PCDHGC5: variants seen among roughly 807,000 people sequenced by gnomAD.
PCDHGC5 encodes protocadherin gamma-C5.
A neutral mutation model predicts 59.0 loss-of-function variants in PCDHGC5; 25 were observed. The observed-to-expected ratio is 0.42, with a 90% CI of 0.31 to 0.59. The LOEUF (loss-of-function observed/expected upper bound fraction) is 0.59. Among genes scored for constraint, PCDHGC5 ranks in the 20% least tolerant of loss-of-function variants. The probability of loss-of-function intolerance (pLI) is 0.13; values close to 1 mark genes in which losing one functional copy is unlikely to be tolerated. For missense variants in PCDHGC5, 1,067 were observed against 1,206.4 expected, an observed-to-expected ratio of 0.88 and a Z score of 1.71; for synonymous variants, 434 against 505.5, an observed-to-expected ratio of 0.86 and a Z score of 1.90.
chr5:141,501,508 C>A (rs1378333182), intron 2 of PCDHGC5, among the ~76,000 whole-genome samples: 1 of 151,960 alleles, frequency 6.6e-6, no homozygotes, highest in Non-Finnish European at 1.5e-5. Flanking sequence ...GGCTCCAAGG[C>A]CTCCAAGCTG....
In PCDHGC5 at chr5:141,491,276, A is replaced by G; in HGVS notation, c.2036A>G (p.Asp679Gly). The G allele has an allele frequency of 6.2e-7, 1 of 1,614,104 alleles. No individual in the cohort carries two copies. Residue 679 changes from aspartate to glycine, a missense_variant, in exon 1 of 4, where the codon GAC (aspartate) becomes GGC (glycine). Coordinates refer to ENST00000252087, the MANE Select transcript of PCDHGC5 (RefSeq NM_018929.3). The surrounding 1 kb of genome is among the most constrained non-coding windows in gnomAD (Gnocchi z 6.9). ...EDPEEMPKSS[D>G]FLIHPPERSD... ...CCTGAGGAAATGCCCAAATCCAGTG[A>G]CTTCCTCATACACCCTCCTGAGCGT...
Position 141,504,710 on chromosome 5 carries a change from G to A in PCDHGC5, c.2520-683G>A, listed in dbSNP as rs528205869. The stretch of plus-strand genomic sequence containing the variant: ...AGGAGGGGCAGGTTCTTCTATGGCC[G>A]TGGATTTTACTCTGAGGGCTTAGGA... On this transcript the variant is annotated intron_variant, in intron 2 of 3. Transcript: ENST00000252087. Among the ~76,000 whole-genome samples the A allele has an allele frequency of 1.4e-4, 21 of 151,968 alleles. No homozygotes were observed. The East Asian group carries it at 3.7e-3, about 27-fold the overall frequency.
Position 141,495,011 on chromosome 5 carries a change from G to A in PCDHGC5, c.2519+146G>A, listed in dbSNP as rs2099758277. On this transcript the variant is annotated intron_variant, in intron 2 of 3. Coordinates refer to ENST00000252087, the MANE Select transcript of PCDHGC5 (RefSeq NM_018929.3). ...CCAGGGAGGTCTTGGTGTGCGGGGG[G>A]CTGGCACACAGACCCCGGAAGGAAG... is the stretch of plus-strand genomic sequence containing the variant. 4.6e-6 allele frequency: 7 copies of A among 1,512,044 alleles called. No individual in the cohort carries two copies. In the East Asian group the frequency reaches 1.5e-4, roughly 32 times the overall value. 93.7% of individuals were successfully genotyped at this position (1,512,044 alleles called of 1,614,324 possible).
rs768079276 is a variant in PCDHGC5, at chr5:141,490,997, G to A, written c.1757G>A (p.Gly586Asp). The change falls in exon 1 of 4, where the codon GGC becomes GAC. Residue 586 changes from glycine (G) to aspartate (D), a missense_variant. Gly to Asp is a moderately conservative substitution (Grantham distance 94). Transcript: ENST00000252087. The surrounding 1 kb of genome is among the most constrained non-coding windows in gnomAD (Gnocchi z 5.4). ...CGTCTCCCTCGCTCTGCTCCTCCTG[G>A]CTCCTTGGTCACCAAGGTGACAGCC... ...PQRLPRSAPPGSLVTKVTAVD... is the reference protein window; with the variant it reads ...PQRLPRSAPPDSLVTKVTAVD... 1.2e-6 allele frequency: 2 copies of A among 1,614,032 alleles called. No individual in the cohort carries two copies. Among genetic ancestry groups the A allele is most frequent in the Admixed American group, 1.7e-5 (1 of 60,030 alleles).
Position 141,501,330 on chromosome 5 carries a change from CA to C in PCDHGC5, c.2520-4062del, listed in dbSNP as rs1562200936. 1.8e-3 allele frequency among the ~76,000 whole-genome samples: 266 copies of C among 151,500 alleles called. 1 individual carries two copies. Among genetic ancestry groups the C allele is most frequent in the African/African-American group, 5.1e-3 (210 of 41,250 alleles). On this transcript the variant is annotated intron_variant, in intron 2 of 3. Transcript: ENST00000252087. ...ACACACACACACACACACACACACACACACCCCAAACTCAATAGGGCAAGAA... is the reference window on the plus strand; with the variant it reads ...ACACACACACACACACACACACACACCACCCCAAACTCAATAGGGCAAGAA...
At chr5:141,498,419 G>A (rs78940285) in intron 2 of PCDHGC5, among the ~76,000 whole-genome samples, 4,023 of 152,260 alleles carry the variant, frequency 0.026, 75 homozygotes, top group Non-Finnish European at 0.043. Flanking sequence ...TGCTGGCACT[G>A]GAGTGAGGGG....
In PCDHGC5 at chr5:141,491,958, A is replaced by C; in HGVS notation, c.2460+258A>C. The C allele has an allele frequency of 2.0e-6, 2 of 999,758 alleles. No homozygotes were observed. Among genetic ancestry groups the C allele is most frequent in the Non-Finnish European group, 2.8e-6 (2 of 718,534 alleles). The allele number at this position is 999,758 out of a possible 1,614,324, so 61.9% of individuals were successfully genotyped here. The stretch of plus-strand genomic sequence containing the variant: ...ACCGACCCCCACCCCTACACTCAAA[A>C]AAGGCCGGGGCCTCCTTCGAGCTTC... On this transcript the variant is annotated intron_variant, in intron 1 of 3. Coordinates refer to ENST00000252087, the MANE Select transcript of PCDHGC5 (RefSeq NM_018929.3). The surrounding 1 kb of genome is among the most constrained non-coding windows in gnomAD (Gnocchi z 6.9).
At chr5:141,497,664 C>T (rs779506763) in intron 2 of PCDHGC5, among the ~76,000 whole-genome samples, 14 of 151,904 alleles carry the variant, frequency 9.2e-5, no homozygotes, top group Non-Finnish European at 1.8e-4. Context: ...CTCAGCCTCC[C>T]GAGTAGCTGG....
In PCDHGC5 at chr5:141,492,000, A is replaced by G; in HGVS notation, c.2460+300A>G. On this transcript the variant is annotated intron_variant, in intron 1 of 3. Transcript: ENST00000252087. The surrounding 1 kb of genome is among the most constrained non-coding windows in gnomAD (Gnocchi z 6.9). Reference sequence around the variant, plus strand: ...TCGAGCTTCCGGTGAATTTCGGGCGATTTCCGCGGGTGTCGGGGGTCCCGG... The same window carrying G: ...TCGAGCTTCCGGTGAATTTCGGGCGGTTTCCGCGGGTGTCGGGGGTCCCGG... 1 of 659,856 alleles carries G rather than the reference A, an allele frequency of 1.5e-6. No homozygotes were observed. The highest frequency in any genetic ancestry group is 3.1e-5 in the South Asian group (1 of 32,438). 40.9% of individuals were successfully genotyped at this position (659,856 alleles called of 1,614,324 possible).
At position 141,491,084 on chromosome 5, in the gene PCDHGC5, C is replaced by T; in HGVS notation, c.1844C>T (p.Ala615Val). Residue 615 changes from alanine to valine, a missense_variant, in exon 1 of 4, where the codon GCC becomes GTC. Transcript: ENST00000252087. This position sits in a 1 kb window ranked among gnomAD's most constrained non-coding sequence, Gnocchi z 6.9. ...LSYSLLPQSTAPGLFLVSTHT... is the reference protein window; with the variant it reads ...LSYSLLPQSTVPGLFLVSTHT... ...TACTCACTGTTGCCACAGTCCACAGCCCCAGGACTGTTCCTCGTGTCTACA... is the reference window on the plus strand; with the variant it reads ...TACTCACTGTTGCCACAGTCCACAGTCCCAGGACTGTTCCTCGTGTCTACA... The T allele has an allele frequency of 6.2e-7, 1 of 1,614,106 alleles. No homozygotes were observed. The highest frequency in any genetic ancestry group is 1.1e-5 in the South Asian group (1 of 91,082).
chr5:141,489,211 A>G lies in PCDHGC5; in HGVS notation c.-30A>G, dbSNP rs1206929838. On this transcript the variant is annotated 5_prime_UTR_variant, in exon 1 of 4. Coordinates refer to ENST00000252087, the MANE Select transcript of PCDHGC5 (RefSeq NM_018929.3). This position sits in a 1 kb window ranked among gnomAD's most constrained non-coding sequence, Gnocchi z 4.5. The stretch of plus-strand genomic sequence containing the variant: ...CTACCTTGGAGACAGGACAGCACAG[A>G]CTTACTCTCCACAAAGGGACTTCTG... 2 of 1,462,498 alleles carry G rather than the reference A, an allele frequency of 1.4e-6. No individual in the cohort carries two copies. Among genetic ancestry groups the G allele is most frequent in the Non-Finnish European group, 1.8e-6 (2 of 1,081,560 alleles). The allele number at this position is 1,462,498 out of a possible 1,614,324, so 90.6% of individuals were successfully genotyped here. A position where few individuals can be genotyped will look rare whatever the true frequency, so the allele number is the denominator to read the frequency against.
intron 1 of PCDHGC5, among the ~76,000 whole-genome samples, chr5:141,492,341 C>T (rs2099739551): frequency 6.6e-6 from 1 of 152,222 alleles, no homozygotes; most frequent in East Asian, 1.9e-4. Flanking sequence ...CGAATACCAG[C>T]TTTCACTGCC....
chr5:141,489,088 G>GCCAA lies in PCDHGC5; in HGVS notation c.-153_-152insCCAA. The GCCAA allele has an allele frequency of 2.9e-6, 1 of 347,240 alleles. No individual in the cohort carries two copies. Among genetic ancestry groups the GCCAA allele is most frequent in the Non-Finnish European group, 5.0e-6 (1 of 200,708 alleles). The allele number at this position is 347,240 out of a possible 1,614,324, so 21.5% of individuals were successfully genotyped here. A position where few individuals can be genotyped will look rare whatever the true frequency, so the allele number is the denominator to read the frequency against. ...CCCCTGCCCACCCCCGCCACTCGGT[G>GCCAA]ACTAAGAACTGCTGCAAGCAGGCAA... On this transcript the variant is annotated 5_prime_UTR_variant, in exon 1 of 4. Transcript: ENST00000252087. This position sits in a 1 kb window ranked among gnomAD's most constrained non-coding sequence, Gnocchi z 4.5.
intron 3 of PCDHGC5, among the ~76,000 whole-genome samples, chr5:141,507,772 A>C (rs2099863177): frequency 6.6e-6 from 1 of 152,332 alleles, no homozygotes; most frequent in South Asian, 2.1e-4. Flanking sequence ...TGGCCCACAC[A>C]GGGCCTGACC....
intron 1 of PCDHGC5, among the ~76,000 whole-genome samples, chr5:141,494,341 G>C (rs565090556): frequency 9.2e-5 from 14 of 152,352 alleles, no homozygotes; most frequent in Admixed American, 9.1e-4. Context: ...ACCAAGAACA[G>C]CAGCCATCTT....
Position 141,491,103 on chromosome 5 carries a change from G to C in PCDHGC5, c.1863G>C (p.Val621=). 1 of 1,614,162 alleles carries C rather than the reference G, an allele frequency of 6.2e-7. No individual in the cohort carries two copies. Among genetic ancestry groups the C allele is most frequent in the South Asian group, 1.1e-5 (1 of 91,082 alleles). The change falls in exon 1 of 4, where the codon GTG becomes GTC. Residue 621 remains valine (V), a synonymous_variant. Transcript: ENST00000252087. The surrounding 1 kb of genome is among the most constrained non-coding windows in gnomAD (Gnocchi z 6.9). ...PQSTAPGLFL[V]STHTGEVRTA... ...CCACAGCCCCAGGACTGTTCCTCGT[G>C]TCTACACACACTGGTGAGGTGCGCA... is the stretch of plus-strand genomic sequence containing the variant.
Position 141,489,857 on chromosome 5 carries a change from C to T in PCDHGC5, c.617C>T (p.Ala206Val). 2 of 1,614,166 alleles carry T rather than the reference C, an allele frequency of 1.2e-6. No individual in the cohort carries two copies. The change falls in exon 1 of 4, where the codon GCA becomes GTA. Residue 206 changes from alanine to valine, a missense_variant. By Grantham distance (64) the Ala-to-Val change is moderately conservative. Coordinates refer to ENST00000252087, the MANE Select transcript of PCDHGC5 (RefSeq NM_018929.3). This position sits in a 1 kb window ranked among gnomAD's most constrained non-coding sequence, Gnocchi z 4.5. ...CAGCAGCTGGATCGTGAAGCCCAGGCAAGACATCAGCTGGTGCTTACTGCT... is the reference window on the plus strand; with the variant it reads ...CAGCAGCTGGATCGTGAAGCCCAGGTAAGACATCAGCTGGTGCTTACTGCT... ...LEQQLDREAQ[A>V]RHQLVLTAVD...
In PCDHGC5 at chr5:141,511,233, T is replaced by C. The variant is rs776405064; in HGVS notation, c.*60T>C. 5.0e-6 allele frequency: 8 copies of C among 1,595,310 alleles called. No homozygotes were observed. Among genetic ancestry groups the C allele is most frequent in the Non-Finnish European group, 6.8e-6 (8 of 1,170,902 alleles). On this transcript the variant is annotated 3_prime_UTR_variant, in exon 4 of 4. Transcript: ENST00000252087. ...CTCCCCAACCAGCCCAGCTTCTCCT[T>C]ACCTGCACCCAGGCCTCAGAGTTTC...
chr5:141,505,468 G>A lies in PCDHGC5; in HGVS notation c.2595G>A (p.Leu865=). 1 of 1,614,212 alleles carries A rather than the reference G, an allele frequency of 6.2e-7. No homozygotes were observed. Among genetic ancestry groups the A allele is most frequent in the Non-Finnish European group, 8.5e-7 (1 of 1,180,020 alleles). The change falls in exon 3 of 4, where the codon TTG becomes TTA. Residue 865 remains leucine (L), a synonymous_variant. Coordinates refer to ENST00000252087, the MANE Select transcript of PCDHGC5 (RefSeq NM_018929.3). The stretch of plus-strand genomic sequence containing the variant: ...CAGAGATGCTGCAAGCCATGATCTT[G>A]GCGTCCGCCAGTGGTAAGTGGTGTC... The part of the protein sequence containing the change: ...FDTEMLQAMI[L]ASASEAADGS...
Sources: gnomAD v4.1 joint callset for allele counts (sites outside exome capture counted in the v4.1 genomes callset) on GRCh38, gnomAD v4.1.1 for gene constraint, Gnocchi (gnomAD v3.1) non-coding constraint, MANE v1.5 for transcripts, NCBI Gene and HGNC (gene_info 2026-07-23, HGNC 2026-07-21) for gene names.